CRPPA: variants seen among roughly 807,000 people sequenced by gnomAD.
The protein encoded by CRPPA is D-ribitol-5-phosphate cytidylyltransferase.
In CRPPA, 43 loss-of-function variants were observed where a neutral mutation model predicts 52.0. The ratio of observed to expected loss-of-function variants is 0.83; its 90% CI spans 0.65 to 1.07. The LOEUF (loss-of-function observed/expected upper bound fraction) is 1.07. Ranked by LOEUF, CRPPA falls within the 50% of genes least tolerant of loss-of-function variation. The probability of loss-of-function intolerance (pLI) is 0.00; values close to 1 mark genes in which losing one functional copy is unlikely to be tolerated. For missense variants in CRPPA, 629 were observed against 551.7 expected (o/e 1.14, Z -1.40); for synonymous variants, 250 against 203.5 (o/e 1.23, Z -1.94).
intron 1 of CRPPA, among the ~76,000 whole-genome samples, chr7:16,410,526 C>G (rs1485936327): frequency 4.6e-5 from 7 of 152,184 alleles, no homozygotes; most frequent in Non-Finnish European, 1.0e-4. Context: ...ATTTACTGCA[C>G]TAGCCCCTCA....
At chr7:16,241,598 A>C (rs1783109458) in intron 8 of CRPPA, among the ~76,000 whole-genome samples, 2 of 152,162 alleles carry the variant, frequency 1.3e-5, no homozygotes, top group Admixed American at 1.3e-4. Flanking sequence ...TTAAACACTT[A>C]TTTGGTACAT....
rs555368704 is a variant in CRPPA at position 16,101,590 on chromosome 7, T to TA, written c.1252-9792dup. On this transcript the variant is annotated intron_variant, in intron 9 of 9. Coordinates refer to ENST00000407010, the MANE Select transcript of CRPPA (RefSeq NM_001101426.4). ...TGGTCTATCTAGTTTGTTAATCTTT[T>TA]AAAAAAAAAACAGCTCCTGGATTGA... 3.1e-3 allele frequency among the ~76,000 whole-genome samples: 470 copies of TA among 149,334 alleles called. 2 individuals are homozygous for TA. Among genetic ancestry groups the TA allele is most frequent in the South Asian group, 0.024 (115 of 4,712 alleles).
chr7:16,322,743 G>C (rs551786379), intron 3 of CRPPA, among the ~76,000 whole-genome samples: 1 of 152,192 alleles, frequency 6.6e-6, no homozygotes, highest in South Asian at 2.1e-4. Flanking sequence ...TTCCATATAA[G>C]TTCCACAACC....
intron 3 of CRPPA, among the ~76,000 whole-genome samples, chr7:16,341,448 T>A (rs1785828028): frequency 6.6e-6 from 1 of 152,174 alleles, no homozygotes; most frequent in East Asian, 1.9e-4. Flanking sequence ...TGTTGACTTT[T>A]AATTGCCACT....
At chr7:16,302,200 G>T (rs931732670) in intron 4 of CRPPA, among the ~76,000 whole-genome samples, 2 of 149,328 alleles carry the variant, frequency 1.3e-5, no homozygotes, top group African/African-American at 5.0e-5. Flanking sequence ...GGAGGCTGAG[G>T]CAGGAGAATG....
chr7:16,179,499 A>G (rs1781369546), intron 9 of CRPPA, among the ~76,000 whole-genome samples: 1 of 152,066 alleles, frequency 6.6e-6, no homozygotes, highest in African/African-American at 2.4e-5. Flanking sequence ...GATGGGTAAG[A>G]GAGAGAGGTG....
intron 8 of CRPPA, among the ~76,000 whole-genome samples, chr7:16,216,933 C>G (rs1023205434): frequency 1.2e-4 from 18 of 152,034 alleles, no homozygotes; most frequent in African/African-American, 3.4e-4. Flanking sequence ...CTGGGTGGAG[C>G]CCACCACAGC....
chr7:16,163,919 C>T (rs746403316), intron 9 of CRPPA, among the ~76,000 whole-genome samples: 18 of 152,232 alleles, frequency 1.2e-4, no homozygotes, highest in Non-Finnish European at 2.1e-4. Flanking sequence ...TTGTGGGTAA[C>T]CTGACCTTTC....
In CRPPA at chr7:16,286,037, AAATATAAAT is replaced by A. The variant is rs1784426084; in HGVS notation, c.836-7820_836-7812del. Among the ~76,000 whole-genome samples the A allele has an allele frequency of 1.4e-3, 21 of 15,106 alleles. 1 individual carries two copies. Among genetic ancestry groups the A allele is most frequent in the East Asian group, 3.6e-3 (3 of 838 alleles). 9.9% of individuals were successfully genotyped at this position (15,106 alleles called of 152,430 possible). On this transcript the variant is annotated intron_variant, in intron 5 of 9. Coordinates refer to ENST00000407010, the MANE Select transcript of CRPPA (RefSeq NM_001101426.4). ...CTCCATCTCAAAAAAAAAAAAAAAA[AAATATAAAT>A]ATATATATATATATATATATATATA...
chr7:16,107,953 T>C (rs528604945), intron 9 of CRPPA, among the ~76,000 whole-genome samples: 1 of 152,114 alleles, frequency 6.6e-6, no homozygotes, highest in Non-Finnish European at 1.5e-5. Flanking sequence ...AGTTATAAGA[T>C]GTTCTACATA....
chr7:16,151,908 A>T (rs1783082671), intron 9 of CRPPA, among the ~76,000 whole-genome samples: 1 of 152,064 alleles, frequency 6.6e-6, no homozygotes, highest in African/African-American at 2.4e-5. Flanking sequence ...CAATAAAGTT[A>T]TCCCTGACTG....
At chr7:16,199,900 C>G (rs555943277) in intron 9 of CRPPA, among the ~76,000 whole-genome samples, 1 of 148,934 alleles carries the variant, frequency 6.7e-6, no homozygotes, top group South Asian at 2.1e-4. Context: ...TCTTGTCGCC[C>G]AGGCTGGGGT....
intron 5 of CRPPA, among the ~76,000 whole-genome samples, chr7:16,287,622 G>T (rs957978271): frequency 6.6e-6 from 1 of 152,036 alleles, no homozygotes; most frequent in South Asian, 2.1e-4. Context: ...ATAGGAAAAA[G>T]AAATATTGGC....
intron 9 of CRPPA, among the ~76,000 whole-genome samples, chr7:16,099,540 G>A (rs1782001794): frequency 2.0e-5 from 3 of 151,740 alleles, no homozygotes; most frequent in Non-Finnish European, 2.9e-5. Flanking sequence ...GGAAGGGAAA[G>A]GTTGGTCAAT....
chr7:16,295,739 G>C (rs1784658733), intron 5 of CRPPA, among the ~76,000 whole-genome samples: 1 of 152,042 alleles, frequency 6.6e-6, no homozygotes, highest in South Asian at 2.1e-4. Context: ...TCTATATAAA[G>C]TATGTTACCA....
At chr7:16,384,438 C>A (rs942553817) in intron 2 of CRPPA, among the ~76,000 whole-genome samples, 10 of 152,172 alleles carry the variant, frequency 6.6e-5, no homozygotes, top group African/African-American at 2.4e-4. Flanking sequence ...TAGGAACAAA[C>A]CTCAAAAACT....
chr7:16,162,690 G>C (rs924414795), intron 9 of CRPPA, among the ~76,000 whole-genome samples: 1 of 152,100 alleles, frequency 6.6e-6, no homozygotes, highest in African/African-American at 2.4e-5. Context: ...ATGTCTATCA[G>C]GTCTGCTTTG....
At chr7:16,414,386 CA>C (rs1788141434) in intron 1 of CRPPA, among the ~76,000 whole-genome samples, 1 of 131,836 alleles carries the variant, frequency 7.6e-6, no homozygotes, top group Non-Finnish European at 1.6e-5. Flanking sequence ...CACACACACA[CA>C]CACACACACA....
At chr7:16,311,545 A>T (rs1226376201) in intron 3 of CRPPA, among the ~76,000 whole-genome samples, 1 of 152,034 alleles carries the variant, frequency 6.6e-6, no homozygotes, top group African/African-American at 2.4e-5. Flanking sequence ...CATCATCTTG[A>T]TGTACCACAG....
Sources: gnomAD v4.1 joint callset for allele counts (sites outside exome capture counted in the v4.1 genomes callset) on GRCh38, gnomAD v4.1.1 for gene constraint, MANE v1.5 for transcripts, NCBI Gene and HGNC (gene_info 2026-07-23, HGNC 2026-07-21) for gene names.